PHF24: variants seen among roughly 807,000 people sequenced by gnomAD.
The protein encoded by PHF24 is PHD finger protein 24, also known as Galpha inhibitory interacting protein.
A neutral mutation model predicts 42.6 loss-of-function variants in PHF24; 25 were observed. The observed-to-expected ratio is 0.59, with a 90% CI of 0.43 to 0.82. PHF24 has a LOEUF of 0.82. PHF24 is among the 40% of genes least tolerant of loss of function. PHF24 has a pLI of 0.00. For missense variants in PHF24, 470 were observed against 538.1 expected, an observed-to-expected ratio of 0.87 and a Z score of 1.25; for synonymous variants, 185 against 204.8, an observed-to-expected ratio of 0.90 and a Z score of 0.83.
At chr9:34,779,716 G>A in the PHF24 span, among the ~76,000 whole-genome samples, 2 of 152,072 alleles carry the variant, frequency 1.3e-5, no homozygotes, top group Admixed American at 1.3e-4. Context: ...CACATATATG[G>A]TCAATTGTTT....
chr9:34,941,176 G>T, the PHF24 span, among the ~76,000 whole-genome samples: 1 of 152,124 alleles, frequency 6.6e-6, no homozygotes, highest in African/African-American at 2.4e-5. Flanking sequence ...ACAATATAAA[G>T]GTCTCTGTCT....
chr9:34,737,055 T>C, the PHF24 span, among the ~76,000 whole-genome samples: 2 of 152,196 alleles, frequency 1.3e-5, no homozygotes, highest in Non-Finnish European at 2.9e-5. Flanking sequence ...TTACATGTCA[T>C]AAATTCACCA....
chr9:34,770,657 A>C, the PHF24 span, among the ~76,000 whole-genome samples: 1 of 152,114 alleles, frequency 6.6e-6, no homozygotes, highest in Non-Finnish European at 1.5e-5. Flanking sequence ...AAACACCAGA[A>C]AGATATAGAA....
the PHF24 span, among the ~76,000 whole-genome samples, chr9:34,782,211 G>T: frequency 6.6e-6 from 1 of 152,160 alleles, no homozygotes; most frequent in African/African-American, 2.4e-5. Context: ...CAAATCAGTG[G>T]ATGGTCACAT....
the PHF24 span, among the ~76,000 whole-genome samples, chr9:34,743,670 A>C: frequency 6.6e-6 from 1 of 152,328 alleles, no homozygotes; most frequent in East Asian, 1.9e-4. Context: ...TTTGTGCGAA[A>C]AATTTACATT....
chr9:34,671,897 TCTTC>T, the PHF24 span, among the ~76,000 whole-genome samples: 2 of 152,186 alleles, frequency 1.3e-5, no homozygotes, highest in Non-Finnish European at 2.9e-5. Flanking sequence ...ATCAGCCCAT[TCTTC>T]CTTCTTTCAT....
At chr9:34,875,937 C>CTCTCTCTG in the PHF24 span, among the ~76,000 whole-genome samples, 17 of 86,542 alleles carry the variant, frequency 2.0e-4, no homozygotes, top group Non-Finnish European at 3.9e-4. Context: ...CACACACACA[C>CTCTCTCTG]ACACACACAC....
At chr9:34,766,515 C>G in the PHF24 span, among the ~76,000 whole-genome samples, 3 of 152,184 alleles carry the variant, frequency 2.0e-5, no homozygotes, top group African/African-American at 7.2e-5. Flanking sequence ...CTTCTGCATT[C>G]TTCACATAGT....
At chr9:34,932,118 C>T in the PHF24 span, among the ~76,000 whole-genome samples, 1 of 152,098 alleles carries the variant, frequency 6.6e-6, no homozygotes, top group South Asian at 2.1e-4. Flanking sequence ...TGGTCTTCAG[C>T]CACCTGGCAT....
chr9:34,680,612 C>T, the PHF24 span, among the ~76,000 whole-genome samples: 1 of 137,918 alleles, frequency 7.3e-6, no homozygotes, highest in African/African-American at 2.7e-5. Flanking sequence ...GGCGTGAACC[C>T]GGGAGGCGGA....
the PHF24 span, among the ~76,000 whole-genome samples, chr9:34,935,581 G>A: frequency 6.7e-4 from 89 of 133,062 alleles, no homozygotes; most frequent in South Asian, 7.1e-3. Flanking sequence ...GGGACAGAGC[G>A]AGACTTCATC....
At chr9:34,779,676 G>C in the PHF24 span, among the ~76,000 whole-genome samples, 2 of 152,164 alleles carry the variant, frequency 1.3e-5, no homozygotes, top group Non-Finnish European at 2.9e-5. Flanking sequence ...AGACAAATGG[G>C]AGAGAATTGA....
chr9:34,732,106 C>A, the PHF24 span, among the ~76,000 whole-genome samples: 1 of 151,598 alleles, frequency 6.6e-6, no homozygotes, highest in Non-Finnish European at 1.5e-5. Context: ...AGGTGATCCT[C>A]CCACCTCGGC....
chr9:34,815,930 T>C, the PHF24 span, among the ~76,000 whole-genome samples: 1 of 152,148 alleles, frequency 6.6e-6, no homozygotes, highest in African/African-American at 2.4e-5. Flanking sequence ...GCTCCACTAT[T>C]TGATGAACTA....
chr9:34,945,616 G>T, the PHF24 span, among the ~76,000 whole-genome samples: 1 of 152,154 alleles, frequency 6.6e-6, no homozygotes, highest in African/African-American at 2.4e-5. Flanking sequence ...TGTCTCGGGA[G>T]TGGATTCACT....
At chr9:34,977,557 T>G in exon 7 of PHF24, 1 of 1,608,352 alleles carries the variant, frequency 6.2e-7, no homozygotes. Context: ...ATCAGCCATG[T>G]GGGTCCCATC....
At chr9:34,976,620 G>A in exon 5 of PHF24, 1 of 1,614,170 alleles carries the variant, frequency 6.2e-7, no homozygotes, top group Non-Finnish European at 8.5e-7. Flanking sequence ...TGAGTGAGGA[G>A]CAAGAAGAGC....
the PHF24 span, among the ~76,000 whole-genome samples, chr9:34,897,258 C>CTAAG: frequency 6.6e-6 from 1 of 152,180 alleles, no homozygotes. Context: ...GTGCTTAACC[C>CTAAG]TAAGTTGGGC....
chr9:34,672,733 C>G, the PHF24 span, among the ~76,000 whole-genome samples: 8 of 152,148 alleles, frequency 5.3e-5, no homozygotes, highest in Non-Finnish European at 7.3e-5. Flanking sequence ...GCCCTCATGA[C>G]CCAATCACTA....
Sources: allele counts gnomAD v4.1 joint callset (sites outside exome capture counted in the v4.1 genomes callset), GRCh38; gene constraint gnomAD v4.1.1; transcripts MANE v1.5; gene names NCBI Gene and HGNC (gene_info 2026-07-23, HGNC 2026-07-21).